FMN1: variants seen among roughly 807,000 people sequenced by gnomAD.
FMN1 encodes formin 1.
Under a neutral mutation model 132.4 loss-of-function variants are expected in FMN1, and 110 were observed. That is an observed-to-expected ratio of 0.83 (90% confidence interval 0.71 to 0.97). The LOEUF (loss-of-function observed/expected upper bound fraction) is 0.97, where lower values mean the gene tolerates loss of function less well. Among genes scored for constraint, FMN1 ranks in the 50% least tolerant of loss-of-function variants. FMN1 has a pLI of 0.00. For synonymous variants in FMN1, 722 were observed against 651.7 expected, an observed-to-expected ratio of 1.11 and a Z score of -1.64; for missense variants, 1,792 against 1,705.3, an observed-to-expected ratio of 1.05 and a Z score of -0.90.
chr15:32,869,945 T>C (rs1177211140), intron 16 of FMN1, among the ~76,000 whole-genome samples: 1 of 151,976 alleles, frequency 6.6e-6, no homozygotes, highest in Non-Finnish European at 1.5e-5. Context: ...GTGAGGTAAA[T>C]GGAGAAAGAT....
chr15:32,836,553 G>A (rs562958293), intron 17 of FMN1, among the ~76,000 whole-genome samples: 13 of 152,058 alleles, frequency 8.5e-5, no homozygotes, highest in Non-Finnish European at 1.9e-4. Context: ...CCAGAACCGA[G>A]GCCTTCATAT....
chr15:33,184,789 C>A (rs893537880), intron 2 of FMN1, among the ~76,000 whole-genome samples: 1 of 152,184 alleles, frequency 6.6e-6, no homozygotes, highest in Admixed American at 6.5e-5. Flanking sequence ...CAGGTAAGAA[C>A]CACCGCGCCC....
chr15:32,892,415 A>T (rs917124914), intron 15 of FMN1, among the ~76,000 whole-genome samples: 7 of 152,090 alleles, frequency 4.6e-5, no homozygotes, highest in African/African-American at 1.7e-4. Flanking sequence ...AACCCACTTG[A>T]TCCTGGTGGA....
chr15:33,117,783 G>A lies in FMN1; in HGVS notation c.1868-28809C>T, dbSNP rs535883943. On this transcript the variant is annotated intron_variant, in intron 4 of 20. Transcript: ENST00000616417. ...ACACAAAGATTAATATTGCCTCAAA[G>A]GAAGAACCACTAGAGCAAACAATGG... 7.9e-5 allele frequency among the ~76,000 whole-genome samples: 12 copies of A among 152,236 alleles called. No homozygotes were observed. In the South Asian group the frequency reaches 2.1e-3, roughly 26 times the overall value.
chr15:32,870,957 T>C (rs1447305943), intron 16 of FMN1, among the ~76,000 whole-genome samples: 4 of 152,090 alleles, frequency 2.6e-5, no homozygotes, highest in Non-Finnish European at 5.9e-5. Context: ...ATTTCTAAGA[T>C]TGGTTTAGGA....
At chr15:33,032,434 T>TATTAAA (rs1266498441) in intron 6 of FMN1, among the ~76,000 whole-genome samples, 17 of 152,356 alleles carry the variant, frequency 1.1e-4, no homozygotes, top group South Asian at 2.1e-4. Context: ...ACTCCATAGT[T>TATTAAA]ATTAAAAAGT....
chr15:32,799,732 C>A (rs1209566982), intron 18 of FMN1, among the ~76,000 whole-genome samples: 1 of 152,166 alleles, frequency 6.6e-6, no homozygotes, highest in Non-Finnish European at 1.5e-5. Context: ...CACTGCACAC[C>A]AGACTACCTG....
intron 4 of FMN1, among the ~76,000 whole-genome samples, chr15:33,145,710 T>A (rs1964189885): frequency 6.6e-6 from 1 of 151,304 alleles, no homozygotes; most frequent in South Asian, 2.1e-4. Flanking sequence ...TGGACGGGCA[T>A]GACTGTCAAA....
chr15:32,978,688 T>C (rs2032405798), intron 7 of FMN1, among the ~76,000 whole-genome samples: 2 of 152,222 alleles, frequency 1.3e-5, no homozygotes, highest in Admixed American at 1.3e-4. Flanking sequence ...TAATACACTG[T>C]GACAAACTGG....
At chr15:32,967,066 C>A (rs1375389075) in intron 8 of FMN1, among the ~76,000 whole-genome samples, 2 of 152,228 alleles carry the variant, frequency 1.3e-5, no homozygotes, top group Admixed American at 1.3e-4. Context: ...GCAGGGCTCT[C>A]TTGATGTCCT....
At chr15:33,066,475 A>G (rs1368822703) in intron 5 of FMN1, 1 of 1,443,274 alleles carries the variant, frequency 6.9e-7, no homozygotes, top group Non-Finnish European at 9.2e-7. Context: ...GCAGCACCAT[A>G]TTTTATGTTA....
At chr15:33,005,690 G>C (rs2034378081) in intron 7 of FMN1, among the ~76,000 whole-genome samples, 1 of 152,174 alleles carries the variant, frequency 6.6e-6, no homozygotes, top group African/African-American at 2.4e-5. Flanking sequence ...ACAGTTTGTG[G>C]AAAGCTAGGG....
chr15:33,025,720 T>C (rs541939599), intron 6 of FMN1, among the ~76,000 whole-genome samples: 1 of 152,316 alleles, frequency 6.6e-6, no homozygotes, highest in Non-Finnish European at 1.5e-5. Flanking sequence ...GAAAACCTAT[T>C]GTATCTCAAA....
At chr15:33,184,376 T>G (rs1232300225) in intron 2 of FMN1, among the ~76,000 whole-genome samples, 4 of 152,240 alleles carry the variant, frequency 2.6e-5, no homozygotes, top group African/African-American at 9.6e-5. Context: ...TAATTCTTCC[T>G]GGTAGGAATA....
At chr15:32,887,390 G>C (rs1482277524) in intron 16 of FMN1, among the ~76,000 whole-genome samples, 1 of 152,050 alleles carries the variant, frequency 6.6e-6, no homozygotes, top group African/African-American at 2.4e-5. Flanking sequence ...TCTTGGACAA[G>C]GAGATGTCTC....
intron 9 of FMN1, among the ~76,000 whole-genome samples, chr15:32,951,620 T>C (rs1673742783): frequency 1.3e-5 from 2 of 152,326 alleles, no homozygotes; most frequent in Middle Eastern, 6.8e-3. Context: ...CCAGTTCTCA[T>C]GGTGGCAATG....
intron 4 of FMN1, among the ~76,000 whole-genome samples, chr15:33,121,350 T>A (rs947878231): frequency 6.6e-6 from 1 of 152,240 alleles, no homozygotes; most frequent in Admixed American, 6.5e-5. Context: ...CAGGGTCACA[T>A]TCAATGCCAG....
Position 33,048,644 on chromosome 15 carries a change from A to AACCAAAAAAAAAACAAAAAC in FMN1, c.2161+16312_2161+16313insGTTTTTGTTTTTTTTTTGGT, listed in dbSNP as rs1555388955. Among the ~76,000 whole-genome samples, 299 of 86,946 alleles carry AACCAAAAAAAAAACAAAAAC rather than the reference A, an allele frequency of 3.4e-3. 31 individuals carry two copies. Among genetic ancestry groups the AACCAAAAAAAAAACAAAAAC allele is most frequent in the African/African-American group, 0.012 (291 of 24,342 alleles). 57.0% of individuals were successfully genotyped at this position (86,946 alleles called of 152,430 possible). ...TGGGCAATTTACCAAAAAAAAAAAA[A>AACCAAAAAAAAAACAAAAAC]AAAAACCAACAGTTTAATGGACTTA... On this transcript the variant is annotated intron_variant, in intron 6 of 20. Transcript: ENST00000616417.
In FMN1 at chr15:32,889,889, G is replaced by A. The variant is rs541223084; in HGVS notation, c.3715-1597C>T. On this transcript the variant is annotated intron_variant, in intron 15 of 20. Transcript: ENST00000616417. ...CCCTATCGCCCAAGAAATATACACT[G>A]CACCCTCTTTGTAGTATTTTATCCC... is the stretch of plus-strand genomic sequence containing the variant. Among the ~76,000 whole-genome samples the A allele has an allele frequency of 3.3e-5, 5 of 152,166 alleles. No homozygotes were observed. In the South Asian group the frequency reaches 8.3e-4, roughly 25 times the overall value.
Sources: allele counts gnomAD v4.1 joint callset (sites outside exome capture counted in the v4.1 genomes callset), GRCh38; gene constraint gnomAD v4.1.1; transcripts MANE v1.5; gene names NCBI Gene and HGNC (gene_info 2026-07-23, HGNC 2026-07-21).